Variants in FRMPD4 observed in about 807,000 individuals in gnomAD.
The protein encoded by FRMPD4 is FERM and PDZ domain-containing protein 4.
Under a neutral mutation model 94.1 loss-of-function variants are expected in FRMPD4, and 22 were observed. That is an observed-to-expected ratio of 0.23 (90% CI 0.17 to 0.33). The LOEUF (loss-of-function observed/expected upper bound fraction) is 0.33. FRMPD4 is among the 10% of genes least tolerant of loss of function. The probability of loss-of-function intolerance (pLI) is 1.00; values close to 1 mark genes in which losing one functional copy is unlikely to be tolerated. For synonymous variants in FRMPD4, 631 were observed against 548.6 expected (o/e 1.15, Z -2.10); for missense variants, 1,111 against 1,339.9 (o/e 0.83, Z 2.67).
intron 3 of FRMPD4, among the ~76,000 whole-genome samples, chrX:11,928,552 C>T (rs926793765): frequency 1.5e-4 from 17 of 112,074 alleles, no homozygotes; most frequent in African/African-American, 4.9e-4. Context: ...GGTGGGGACA[C>T]AGCCAAACTC....
chrX:12,515,872 G>A (rs28823375), intron 2 of FRMPD4, among the ~76,000 whole-genome samples: 3,472 of 111,356 alleles, frequency 0.031, 142 homozygotes, highest in African/African-American at 0.11. Flanking sequence ...TATGAATCTG[G>A]GTGCTCCTGT....
intron 2 of FRMPD4, among the ~76,000 whole-genome samples, chrX:12,553,894 C>A (rs914859983): frequency 5.4e-5 from 6 of 111,890 alleles, no homozygotes; most frequent in Non-Finnish European, 9.4e-5. Flanking sequence ...TAATTTATGA[C>A]CCACTCATAA....
chrX:12,234,444 C>A (rs2057049109), intron 1 of FRMPD4, among the ~76,000 whole-genome samples: 1 of 111,204 alleles, frequency 9.0e-6, no homozygotes, highest in Admixed American at 9.6e-5. Flanking sequence ...GAGCCAGAGT[C>A]AACCCTGGAG....
At chrX:11,907,730 G>A (rs765157376) in intron 3 of FRMPD4, among the ~76,000 whole-genome samples, 1 of 111,690 alleles carries the variant, frequency 9.0e-6, no homozygotes, top group African/African-American at 3.3e-5. Flanking sequence ...AATACTGAGG[G>A]GACACAAACA....
At chrX:12,005,687 G>A (rs2054548708) in intron 3 of FRMPD4, among the ~76,000 whole-genome samples, 2 of 113,161 alleles carry the variant, frequency 1.8e-5, no homozygotes, top group African/African-American at 3.2e-5. Context: ...GAACTGATAC[G>A]CCTTTGGTCT....
At chrX:12,701,032 C>T (rs990191253) in intron 9 of FRMPD4, among the ~76,000 whole-genome samples, 1 of 105,365 alleles carries the variant, frequency 9.5e-6, no homozygotes, top group East Asian at 2.9e-4. Context: ...CTGCCAAGTA[C>T]GGTTCTAAGA....
intron 3 of FRMPD4, among the ~76,000 whole-genome samples, chrX:11,997,985 C>T (rs945475188): frequency 1.8e-5 from 2 of 111,736 alleles, no homozygotes; most frequent in African/African-American, 3.3e-5. Context: ...TTCACAATCT[C>T]CTCACATTTC....
At chrX:11,956,277 A>G (rs1386494529) in intron 3 of FRMPD4, among the ~76,000 whole-genome samples, 5 of 111,762 alleles carry the variant, frequency 4.5e-5, no homozygotes, top group Non-Finnish European at 9.4e-5. Context: ...CATTCTTCTT[A>G]TTAGTGCTCC....
chrX:12,050,488 C>T (rs1316748471), intron 3 of FRMPD4, among the ~76,000 whole-genome samples: 2 of 111,405 alleles, frequency 1.8e-5, no homozygotes, highest in Non-Finnish European at 3.8e-5. Context: ...GATGTTTGCA[C>T]AATAATGAAA....
At chrX:12,047,619 G>A (rs2054793013) in intron 3 of FRMPD4, among the ~76,000 whole-genome samples, 1 of 111,566 alleles carries the variant, frequency 9.0e-6, no homozygotes, top group Non-Finnish European at 1.9e-5. Context: ...AGTGAGCATA[G>A]TACCAACAGT....
At chrX:12,639,824 CCA>C (rs1263622192) in intron 4 of FRMPD4, among the ~76,000 whole-genome samples, 1 of 111,432 alleles carries the variant, frequency 9.0e-6, no homozygotes, top group Non-Finnish European at 1.9e-5. Context: ...TAGTATTTTC[CCA>C]GAGTTACACA....
intron 1 of FRMPD4, among the ~76,000 whole-genome samples, chrX:12,154,064 C>A (rs781164393): frequency 8.9e-6 from 1 of 112,331 alleles, no homozygotes; most frequent in South Asian, 3.7e-4. Flanking sequence ...GTTTTCTGGC[C>A]CTGGTCCTAT....
chrX:12,122,571 G>A (rs1050729051), intron 3 of FRMPD4, among the ~76,000 whole-genome samples: 7 of 108,096 alleles, frequency 6.5e-5, no homozygotes, highest in Non-Finnish European at 1.1e-4. Flanking sequence ...CCCAAAAGGA[G>A]AAGAGTTGAA....
chrX:12,718,296 C>T lies in FRMPD4; in HGVS notation c.3470C>T (p.Ala1157Val), dbSNP rs1364667050. The T allele has an allele frequency of 8.3e-7, 1 of 1,210,656 alleles. No homozygotes were observed. Among genetic ancestry groups the T allele is most frequent in the Non-Finnish European group, 1.1e-6 (1 of 894,382 alleles). ...CGCTTCTTAACTGACGTGACCTGTGCATCTTCAGCCAAAGACTTAGATAAC... is the reference window on the plus strand; with the variant it reads ...CGCTTCTTAACTGACGTGACCTGTGTATCTTCAGCCAAAGACTTAGATAAC... ...GDRFLTDVTC[A>V]SSAKDLDNPE... is the part of the protein sequence containing the mutation. The change falls in exon 16 of 17, where the codon GCA (alanine) becomes GTA (valine). Residue 1157 changes from alanine to valine, a missense_variant. Physicochemically the swap from Ala to Val is moderately conservative, Grantham distance 64. Around this residue, in one of 8 missense-constraint regions of FRMPD4, gnomAD observed 551 missense variants for 591.6 expected, o/e 0.93. Transcript: ENST00000675598.
intron 1 of FRMPD4, among the ~76,000 whole-genome samples, chrX:12,180,600 C>A (rs780022458): frequency 8.9e-5 from 10 of 112,175 alleles, no homozygotes; most frequent in Non-Finnish European, 1.9e-4. Flanking sequence ...GAATAAAGAG[C>A]CTGTCTAACA....
intron 1 of FRMPD4, among the ~76,000 whole-genome samples, chrX:11,851,081 A>G (rs758510725): frequency 1.7e-4 from 19 of 111,940 alleles, no homozygotes; most frequent in Middle Eastern, 4.7e-3. Context: ...TACTGCATGA[A>G]CAGAACTGGC....
At chrX:12,145,702 G>A (rs1057223216) in intron 1 of FRMPD4, among the ~76,000 whole-genome samples, 8 of 112,638 alleles carry the variant, frequency 7.1e-5, no homozygotes, top group African/African-American at 9.7e-5. Context: ...GAAACCACAT[G>A]GCTTGCAAAG....
intron 2 of FRMPD4, among the ~76,000 whole-genome samples, chrX:12,604,674 T>C (rs1255264024): frequency 8.9e-6 from 1 of 112,400 alleles, no homozygotes; most frequent in East Asian, 2.8e-4. Flanking sequence ...TTTTAACTTT[T>C]ATTTTAAGTT....
chrX:12,606,850 T>C (rs1306177220), intron 2 of FRMPD4, among the ~76,000 whole-genome samples: 2 of 111,620 alleles, frequency 1.8e-5, no homozygotes, highest in Non-Finnish European at 3.8e-5. Flanking sequence ...TTTTCAGATG[T>C]GGCTCAAAAA....
Sources: gnomAD v4.1 joint callset for allele counts (sites outside exome capture counted in the v4.1 genomes callset) on GRCh38, gnomAD v4.1.1 for gene constraint, gnomAD v4.1.1 regional missense constraint, MANE v1.5 for transcripts, NCBI Gene and HGNC (gene_info 2026-07-23, HGNC 2026-07-21) for gene names.